The following TNFAIP8 variants were observed in gnomAD, a reference collection of about 807,000 sequenced individuals.
TNFAIP8 encodes the protein tumor necrosis factor alpha-induced protein 8.
A neutral mutation model predicts 13.3 loss-of-function variants in TNFAIP8; 7 were observed. That is an observed-to-expected ratio of 0.52 (90% CI 0.30 to 0.99). The LOEUF is 0.99. Among genes scored for constraint, TNFAIP8 ranks in the 50% least tolerant of loss-of-function variants. TNFAIP8 has a pLI of 0.07. For missense variants in TNFAIP8, 258 were observed against 236.9 expected (o/e 1.09, Z -0.58); for synonymous variants, 94 against 87.6 (o/e 1.07, Z -0.41).
At chr5:119,355,784 C>A, upstream of TNFAIP8, 1 of 421,992 alleles carries the variant, frequency 2.4e-6, no homozygotes, top group Non-Finnish European at 3.4e-6. Flanking sequence ...GGGCCTGTGC[C>A]CCACCTGCGT....
At chr5:119,296,161 A>G (rs1010111903) in intron 1 of TNFAIP8, among the ~76,000 whole-genome samples, 1 of 150,216 alleles carries the variant, frequency 6.7e-6, no homozygotes, top group Non-Finnish European at 1.5e-5. Context: ...TTCCAACACT[A>G]TGTTGAATAG....
At chr5:119,342,523 T>G (rs1750771335) in intron 1 of TNFAIP8, among the ~76,000 whole-genome samples, 1 of 152,168 alleles carries the variant, frequency 6.6e-6, no homozygotes, top group African/African-American at 2.4e-5. Flanking sequence ...GGTTTTTTTT[T>G]GATAATGCTT....
At chr5:119,269,723 C>G (rs77856693) in intron 1 of TNFAIP8, among the ~76,000 whole-genome samples, 1 of 152,170 alleles carries the variant, frequency 6.6e-6, no homozygotes, top group African/African-American at 2.4e-5. Flanking sequence ...AACAGTAGTT[C>G]AGTGCCCAGT....
intron 1 of TNFAIP8, among the ~76,000 whole-genome samples, chr5:119,377,716 C>T (rs1465941402): frequency 3.3e-5 from 5 of 152,150 alleles, no homozygotes; most frequent in East Asian, 1.9e-4. Flanking sequence ...GCAAACCCCT[C>T]GTTAGAACCT....
At position 119,397,662 on chromosome 5, in the gene TNFAIP8, G is replaced by T. The variant is rs1476215189; in HGVS notation, c.*4281G>T. Reference sequence around the variant, plus strand: ...AAAAACTTTATAGAAACTCCCTAATGAAAATATTGAAGCATTAACCAGAAA... The same window carrying T: ...AAAAACTTTATAGAAACTCCCTAATTAAAATATTGAAGCATTAACCAGAAA... On this transcript the variant is annotated 3_prime_UTR_variant, in exon 2 of 2. Transcript: ENST00000504771. 1 of 152,168 alleles carries T rather than the reference G, an allele frequency of 6.6e-6. No homozygotes were observed. The highest frequency in any genetic ancestry group is 2.4e-5 in the African/African-American group (1 of 41,434). The allele number at this position is 152,168 out of a possible 1,614,324, so 9.4% of individuals were successfully genotyped here.
At chr5:119,386,010 T>G (rs1263662674) in intron 1 of TNFAIP8, among the ~76,000 whole-genome samples, 5 of 152,192 alleles carry the variant, frequency 3.3e-5, no homozygotes, top group Non-Finnish European at 7.3e-5. Flanking sequence ...TGGCAGTTCA[T>G]GGAACCATTA....
intron 1 of TNFAIP8, among the ~76,000 whole-genome samples, chr5:119,342,224 C>T (rs1750761207): frequency 6.6e-6 from 1 of 152,214 alleles, no homozygotes. Flanking sequence ...CTGCTAAGAG[C>T]ATAATCTGGG....
At chr5:119,355,115 T>C, upstream of TNFAIP8, 1 of 565,554 alleles carries the variant, frequency 1.8e-6, no homozygotes, top group African/African-American at 1.9e-5. Flanking sequence ...TAGGGGCCTG[T>C]GGGCCAGACC....
chr5:119,361,228 G>A (rs1235909573), intron 1 of TNFAIP8, among the ~76,000 whole-genome samples: 2 of 143,832 alleles, frequency 1.4e-5, no homozygotes, highest in East Asian at 1.9e-4. Flanking sequence ...GGGCTGCAGC[G>A]CACTGCCCCC....
chr5:119,282,095 C>T (rs1748648885), intron 1 of TNFAIP8, among the ~76,000 whole-genome samples: 1 of 152,204 alleles, frequency 6.6e-6, no homozygotes, highest in South Asian at 2.1e-4. Flanking sequence ...TCATTTCATT[C>T]AGTCAACAGA....
chr5:119,350,872 G>A (rs1206907730), intron 1 of TNFAIP8, among the ~76,000 whole-genome samples: 1 of 152,050 alleles, frequency 6.6e-6, no homozygotes, highest in Non-Finnish European at 1.5e-5. Context: ...ACATGGTTCT[G>A]CCCCAGCCCA....
chr5:119,272,921 C>T (rs562396522), intron 1 of TNFAIP8, among the ~76,000 whole-genome samples: 3 of 152,306 alleles, frequency 2.0e-5, no homozygotes, highest in East Asian at 1.9e-4. Flanking sequence ...ACAAGGGTTG[C>T]GGGCAGGTGG....
At chr5:119,301,783 T>C (rs1581585950) in intron 1 of TNFAIP8, among the ~76,000 whole-genome samples, 2 of 152,346 alleles carry the variant, frequency 1.3e-5, no homozygotes, top group East Asian at 1.9e-4. Flanking sequence ...ATATTTGTAG[T>C]GGACCAGAAA....
At chr5:119,278,374 A>AGTGT (rs1561979572) in intron 1 of TNFAIP8, among the ~76,000 whole-genome samples, 15 of 123,206 alleles carry the variant, frequency 1.2e-4, no homozygotes, top group African/African-American at 5.6e-4. Context: ...AGAGAGAGAG[A>AGTGT]GAGTGTGTGT....
Position 119,303,020 on chromosome 5 carries a change from T to A in TNFAIP8, c.1+34113T>A, listed in dbSNP as rs557024117. ...ACTTTGCTTGGAAGGACCTTTCATG[T>A]CTGACACACTCTTCAGCTCCTCCTC... is the stretch of plus-strand genomic sequence containing the variant. On this transcript the variant is annotated intron_variant, in intron 1 of 1. Transcript: ENST00000274456. Among the ~76,000 whole-genome samples the A allele has an allele frequency of 2.6e-5, 4 of 152,228 alleles. No homozygotes were observed. In the South Asian group the frequency reaches 8.3e-4, roughly 32 times the overall value.
intron 1 of TNFAIP8, among the ~76,000 whole-genome samples, chr5:119,387,071 A>T (rs967133996): frequency 1.4e-5 from 2 of 144,904 alleles, no homozygotes; most frequent in Non-Finnish European, 3.0e-5. Context: ...GATTTTGAGT[A>T]TGAAAGCTGG....
chr5:119,370,000 C>T (rs1580431018), intron 1 of TNFAIP8, among the ~76,000 whole-genome samples: 1 of 152,354 alleles, frequency 6.6e-6, no homozygotes, highest in African/African-American at 2.4e-5. Flanking sequence ...GGTCCAATCA[C>T]ACTTTATTGT....
intron 1 of TNFAIP8, among the ~76,000 whole-genome samples, chr5:119,298,998 A>T (rs986258173): frequency 6.6e-6 from 1 of 152,218 alleles, no homozygotes; most frequent in Admixed American, 6.5e-5. Flanking sequence ...TATTCTAGTT[A>T]TACATTCTTC....
At chr5:119,360,472 G>T (rs1360749286) in intron 1 of TNFAIP8, among the ~76,000 whole-genome samples, 1 of 152,100 alleles carries the variant, frequency 6.6e-6, no homozygotes, top group Admixed American at 6.5e-5. Context: ...TATCTTTAAT[G>T]TTTAAGGAAG....
Sources: gnomAD v4.1 joint callset for allele counts (sites outside exome capture counted in the v4.1 genomes callset) on GRCh38, gnomAD v4.1.1 for gene constraint, MANE v1.5 for transcripts, NCBI Gene and HGNC (gene_info 2026-07-23, HGNC 2026-07-21) for gene names.